The following SLC34A1 variants were observed in gnomAD, a reference collection of about 807,000 sequenced individuals.
The protein encoded by SLC34A1 is solute carrier family 34 member 1, also known as sodium-dependent phosphate transport protein 2A.
SLC34A1 carries 57 observed loss-of-function variants against 51.4 expected under a neutral mutation model. The observed-to-expected ratio is 1.11, with a 90% CI of 0.90 to 1.38. The LOEUF (loss-of-function observed/expected upper bound fraction) is 1.38, where lower values mean the gene tolerates loss of function less well. Among genes scored for constraint, SLC34A1 ranks in the 40% most tolerant of loss-of-function variants. The pLI is 0.00. For synonymous variants in SLC34A1, 368 were observed against 358.0 expected (o/e 1.03, Z -0.32); for missense variants, 796 against 835.6 (o/e 0.95, Z 0.58).
chr5:177,392,355 C>A (rs1762834945), intron 8 of SLC34A1, among the ~76,000 whole-genome samples: 1 of 152,088 alleles, frequency 6.6e-6, no homozygotes, highest in African/African-American at 2.4e-5. Context: ...CCTAGCTACT[C>A]GGGAGGTGGA....
At chr5:177,393,543 A>C in intron 8 of SLC34A1, 151 bp from the exon 9 acceptor site, 2 of 744,006 alleles carry the variant, frequency 2.7e-6, no homozygotes, top group Non-Finnish European at 2.4e-6. Context: ...CCTCAGTGGA[A>C]GAGACAGGCT....
intron 8 of SLC34A1, among the ~76,000 whole-genome samples, chr5:177,391,207 C>T (rs1303877823): frequency 1.3e-5 from 2 of 152,210 alleles, no homozygotes; most frequent in Non-Finnish European, 2.9e-5. Context: ...TCCCTCTGCC[C>T]CACAGGGAAG....
chr5:177,393,908 C>G, intron 9 of SLC34A1, 120 bp from the exon 10 acceptor site: 3 of 1,502,668 alleles, frequency 2.0e-6, no homozygotes, highest in Non-Finnish European at 2.8e-6. Flanking sequence ...GGTCAAGCTC[C>G]GGTGTTGAGG....
chr5:177,398,269 AATGCCACCC>A lies in SLC34A1; in HGVS notation c.1904_1912del (p.Asn635_Arg638delinsSer). 1 of 1,598,954 alleles carries A rather than the reference AATGCCACCC, an allele frequency of 6.3e-7. No homozygotes were observed. Among genetic ancestry groups the A allele is most frequent in the Non-Finnish European group, 8.5e-7 (1 of 1,179,876 alleles). ...CCGTCTTGCACTGCCTGCTCACCAC[AATGCCACCC>A]GCCTCTAGGCTGTGGGCCCAGACTA... is the stretch of plus-strand genomic sequence containing the variant. On this transcript the variant is annotated inframe_deletion, in exon 13 of 13. Coordinates refer to ENST00000324417, the MANE Select transcript of SLC34A1 (RefSeq NM_003052.5). The surrounding 1 kb of genome is among the most constrained non-coding windows in gnomAD (Gnocchi z 4.7).
chr5:177,389,566 C>T, intron 8 of SLC34A1: 1 of 1,530,424 alleles, frequency 6.5e-7, no homozygotes, highest in Non-Finnish European at 8.8e-7. Flanking sequence ...TTTAATACAT[C>T]AACCACTTTC....
At position 177,397,953 on chromosome 5, in the gene SLC34A1, G is replaced by A; in HGVS notation, c.1587G>A (p.Leu529=). 1 of 1,614,086 alleles carries A rather than the reference G, an allele frequency of 6.2e-7. No individual in the cohort carries two copies. Among genetic ancestry groups the A allele is most frequent in the Non-Finnish European group, 8.5e-7 (1 of 1,180,018 alleles). ...TCTGCTTCCTGCTGCTGCCCTCACT[G>A]GTGTTTGGCATCTCCATGGCAGGCT... The part of the protein sequence containing the change: ...LLVCFLLLPS[L]VFGISMAGWQ... Residue 529 remains leucine (L), a synonymous_variant, in exon 13 of 13, where the codon CTG becomes CTA. Transcript: ENST00000324417.
chr5:177,396,180 A>G lies in SLC34A1; in HGVS notation c.1175-553A>G, dbSNP rs1762947923. 1.3e-5 allele frequency among the ~76,000 whole-genome samples: 2 copies of G among 152,152 alleles called. No homozygotes were observed. Among genetic ancestry groups the G allele is most frequent in the South Asian group, 4.1e-4 (2 of 4,830 alleles). On this transcript the variant is annotated intron_variant, in intron 10 of 12. Coordinates refer to ENST00000324417, the MANE Select transcript of SLC34A1 (RefSeq NM_003052.5). The surrounding 1 kb of genome is among the most constrained non-coding windows in gnomAD (Gnocchi z 4.0). ...GTGGGAGCTCAGAGAAGGGAGAAAA[A>G]GTCTGCTCCAGAGCAGGGGGTCAGG...
chr5:177,385,928 G>A, intron 2 of SLC34A1, 59 bp from the exon 3 acceptor site: 1 of 1,610,166 alleles, frequency 6.2e-7, no homozygotes, highest in South Asian at 1.1e-5. Context: ...TCCCCCGCCT[G>A]TTCCTCCCCG....
Position 177,396,929 on chromosome 5 carries a change from T to C in SLC34A1, c.1292-21T>C. 1 of 1,614,106 alleles carries C rather than the reference T, an allele frequency of 6.2e-7. No homozygotes were observed. The highest frequency in any genetic ancestry group is 2.2e-5 in the East Asian group (1 of 44,880). On this transcript the variant is annotated intron_variant, in intron 11 of 12. Coordinates refer to ENST00000324417, the MANE Select transcript of SLC34A1 (RefSeq NM_003052.5). The surrounding 1 kb of genome is among the most constrained non-coding windows in gnomAD (Gnocchi z 4.0). Reference sequence around the variant, plus strand: ...CCGAAGGAGACGCTGGGGGTCCCACTTCCTCTCCCTCTGTCCCCAGGTCTT... The same window carrying C: ...CCGAAGGAGACGCTGGGGGTCCCACCTCCTCTCCCTCTGTCCCCAGGTCTT...
At chr5:177,393,993 G>A (rs1312426071) in intron 9 of SLC34A1, 35 bp from the exon 10 acceptor site, 1 of 1,613,440 alleles carries the variant, frequency 6.2e-7, no homozygotes, top group Non-Finnish European at 8.5e-7. Flanking sequence ...GGAGCCAGGT[G>A]TGGGGTCAGC....
At position 177,398,326 on chromosome 5, in the gene SLC34A1, G is replaced by A. The variant is rs1467923718; in HGVS notation, c.*40G>A. 1.3e-6 allele frequency: 2 copies of A among 1,598,012 alleles called. No individual in the cohort carries two copies. Among genetic ancestry groups the A allele is most frequent in the South Asian group, 2.2e-5 (2 of 91,054 alleles). On this transcript the variant is annotated 3_prime_UTR_variant, in exon 13 of 13. Transcript: ENST00000324417. The surrounding 1 kb of genome is among the most constrained non-coding windows in gnomAD (Gnocchi z 4.7). The stretch of plus-strand genomic sequence containing the variant: ...CTACAGCCTGGAATGGGGAAGGCCT[G>A]GGGTGGAAAGGCAGGGGAGGGAGGG...
intron 8 of SLC34A1, chr5:177,390,447 G>A (rs1374116352): frequency 4.4e-6 from 4 of 909,338 alleles, no homozygotes; most frequent in Non-Finnish European, 3.9e-6. Flanking sequence ...CTGAGCCCCA[G>A]AGAAGTGCAG....
intron 10 of SLC34A1, among the ~76,000 whole-genome samples, chr5:177,395,707 A>G (rs949952501): frequency 2.0e-5 from 3 of 152,174 alleles, no homozygotes; most frequent in African/African-American, 7.2e-5. Context: ...ATCTCAGCTC[A>G]CTGCAACCTC....
chr5:177,393,649 G>C, intron 8 of SLC34A1, 45 bp from the exon 9 acceptor site: 2 of 1,596,040 alleles, frequency 1.3e-6, no homozygotes, highest in Non-Finnish European at 1.7e-6. Context: ...CCCAACCTCA[G>C]GCTGTGTTTT....
intron 12 of SLC34A1, 109 bp from the exon 13 acceptor site, chr5:177,397,674 T>C (rs1405668690): frequency 1.3e-5 from 19 of 1,492,556 alleles, no homozygotes; most frequent in Non-Finnish European, 1.8e-5. Flanking sequence ...AAGTGGAAAC[T>C]TTCCTGCTGC....
rs565480012 is a variant in SLC34A1 at position 177,396,650 on chromosome 5, G to A, written c.1175-83G>A. On this transcript the variant is annotated intron_variant, in intron 10 of 12. Coordinates refer to ENST00000324417, the MANE Select transcript of SLC34A1 (RefSeq NM_003052.5). This position sits in a 1 kb window ranked among gnomAD's most constrained non-coding sequence, Gnocchi z 4.0. ...TCTCCCAGTGCCCCCGCGGAGGTCC[G>A]CTCTCCCAGTGCCCCCGCGGAGGTC... The A allele has an allele frequency of 5.4e-6, 6 of 1,111,880 alleles. No individual in the cohort carries two copies. Among genetic ancestry groups the A allele is most frequent in the Non-Finnish European group, 8.2e-6 (6 of 731,810 alleles). 68.9% of individuals were successfully genotyped at this position (1,111,880 alleles called of 1,614,324 possible). A position where few individuals can be genotyped will look rare whatever the true frequency, so the allele number is the denominator to read the frequency against.
At position 177,385,788 on chromosome 5, in the gene SLC34A1, T is replaced by G; in HGVS notation, c.47T>G (p.Leu16Arg). Residue 16 changes from leucine (L) to arginine (R), a missense_variant, in exon 2 of 13, where the codon CTC (leucine) becomes CGC (arginine). By Grantham distance (102) the Leu-to-Arg change is moderately radical. Coordinates refer to ENST00000324417, the MANE Select transcript of SLC34A1 (RefSeq NM_003052.5). ...ERLGSPAVSP[L>R]PVRGGHVMRG... ...CTGGGGTCCCCTGCTGTCTCCCCACTCCCAGTCCGTGGGGGGCATGTGATG... is the reference window on the plus strand; with the variant it reads ...CTGGGGTCCCCTGCTGTCTCCCCACGCCCAGTCCGTGGGGGGCATGTGATG... 1 of 1,613,200 alleles carries G rather than the reference T, an allele frequency of 6.2e-7. No homozygotes were observed. The highest frequency in any genetic ancestry group is 8.5e-7 in the Non-Finnish European group (1 of 1,179,840).
chr5:177,392,371 G>A (rs932761497), intron 8 of SLC34A1, among the ~76,000 whole-genome samples: 3 of 152,184 alleles, frequency 2.0e-5, no homozygotes, highest in Non-Finnish European at 2.9e-5. Context: ...GTGGAAGCGG[G>A]AGAATCGCTT....
rs376459617 is a variant in SLC34A1, at chr5:177,396,875, G to A, written c.1291+26G>A. On this transcript the variant is annotated intron_variant, in intron 11 of 12. Transcript: ENST00000324417. This position sits in a 1 kb window ranked among gnomAD's most constrained non-coding sequence, Gnocchi z 4.0. Reference sequence around the variant, plus strand: ...GTGAGTGCCCATGTAGAGGTGGAGTGGGGTGGGCCAGGGCTGGCAGGGAAA... The same window carrying A: ...GTGAGTGCCCATGTAGAGGTGGAGTAGGGTGGGCCAGGGCTGGCAGGGAAA... The A allele has an allele frequency of 3.7e-6, 6 of 1,614,034 alleles. No individual in the cohort carries two copies. In the African/African-American group the frequency reaches 6.7e-5, roughly 18 times the overall value.
Sources: gnomAD v4.1 joint callset for allele counts (sites outside exome capture counted in the v4.1 genomes callset) on GRCh38, gnomAD v4.1.1 for gene constraint, Gnocchi (gnomAD v3.1) non-coding constraint, MANE v1.5 for transcripts, NCBI Gene and HGNC (gene_info 2026-07-23, HGNC 2026-07-21) for gene names.